The following LPIN2 variants were observed in gnomAD, a reference collection of about 807,000 sequenced individuals.
LPIN2 encodes the protein lipin 2, also known as phosphatidate phosphatase LPIN2.
In LPIN2, 55 loss-of-function variants were observed where a neutral mutation model predicts 111.4. That is an observed-to-expected ratio of 0.49 (90% CI 0.40 to 0.62). The LOEUF (loss-of-function observed/expected upper bound fraction) is 0.62, where lower values mean the gene tolerates loss of function less well. Among genes scored for constraint, LPIN2 ranks in the 20% least tolerant of loss-of-function variants. The pLI is 0.00. For missense variants in LPIN2, 992 were observed against 1,112.1 expected (o/e 0.89, Z 1.54); for synonymous variants, 425 against 414.0 (o/e 1.03, Z -0.32).
rs551209218 is a variant in LPIN2 at position 2,917,804 on chromosome 18, G to T, written c.*2489C>A. ...AGACTTAGACTGAACTGCAAAGAGG[G>T]AAAGGGCCATTTCACCAATGGAGTA... On this transcript the variant is annotated 3_prime_UTR_variant, in exon 20 of 20. Coordinates refer to ENST00000677752, the MANE Select transcript of LPIN2 (RefSeq NM_001375808.2). 1 of 152,220 alleles carries T rather than the reference G, an allele frequency of 6.6e-6. No individual in the cohort carries two copies. Among genetic ancestry groups the T allele is most frequent in the Admixed American group, 6.5e-5 (1 of 15,282 alleles). 9.4% of individuals were successfully genotyped at this position (152,220 alleles called of 1,614,324 possible).
At chr18:3,011,112 C>G (rs949523683) in intron 1 of LPIN2, among the ~76,000 whole-genome samples, 2 of 152,106 alleles carry the variant, frequency 1.3e-5, no homozygotes, top group Admixed American at 6.5e-5. Flanking sequence ...AACTCTGGGT[C>G]CAGTCCTTAA....
At chr18:2,999,270 C>G (rs987584972) in intron 1 of LPIN2, among the ~76,000 whole-genome samples, 46 of 152,124 alleles carry the variant, frequency 3.0e-4, no homozygotes, top group Non-Finnish European at 5.0e-4. Context: ...TTAAGGCTGG[C>G]CCTAATCCAG....
chr18:2,977,621 G>A (rs539993171), intron 1 of LPIN2, among the ~76,000 whole-genome samples: 5 of 152,192 alleles, frequency 3.3e-5, no homozygotes, highest in South Asian at 2.1e-4. Context: ...AAGAGCAAAC[G>A]TATGTCAGAG....
chr18:2,991,040 T>C (rs1015382698), intron 1 of LPIN2: 10 of 568,470 alleles, frequency 1.8e-5, no homozygotes, highest in Admixed American at 1.1e-4. Flanking sequence ...GCTTGTCCCA[T>C]GATGGTGCCC....
At position 2,970,179 on chromosome 18, in the gene LPIN2, T is replaced by C. The variant is rs552371207; in HGVS notation, c.-9-9330A>G. Among the ~76,000 whole-genome samples the C allele has an allele frequency of 3.0e-4, 46 of 152,240 alleles. No individual in the cohort carries two copies. In the South Asian group the frequency reaches 8.3e-3, roughly 27 times the overall value. ...GGATTTTCTGATTCAATATTTCTGT[T>C]TGGGAATTTAAACAGACACATAATG... On this transcript the variant is annotated intron_variant, in intron 1 of 19. Transcript: ENST00000677752.
Position 2,923,769 on chromosome 18 carries a change from ACC to A in LPIN2, c.2174+4_2174+5del. The A allele has an allele frequency of 6.2e-7, 1 of 1,612,452 alleles. No individual in the cohort carries two copies. Among genetic ancestry groups the A allele is most frequent in the South Asian group, 1.1e-5 (1 of 91,034 alleles). The stretch of plus-strand genomic sequence containing the variant: ...CAGAGCGAGTTAACGTGGGGAGGGT[ACC>A]TACTCATTGATGGAATGGTAGAGCT... On this transcript the variant is annotated splice_donor_5th_base_variant and intron_variant, in intron 16 of 19. Coordinates refer to ENST00000677752, the MANE Select transcript of LPIN2 (RefSeq NM_001375808.2).
intron 3 of LPIN2, 119 bp from the exon 4 acceptor site, chr18:2,951,475 TAAAGGC>T (rs1205260166): frequency 3.4e-6 from 3 of 886,210 alleles, no homozygotes; most frequent in Non-Finnish European, 5.2e-6. Flanking sequence ...ACATATTCCC[TAAAGGC>T]AAGAAAGTCC....
intron 1 of LPIN2, among the ~76,000 whole-genome samples, chr18:2,984,290 G>A (rs1164946033): frequency 6.6e-6 from 1 of 152,156 alleles, no homozygotes; most frequent in Non-Finnish European, 1.5e-5. Flanking sequence ...TGGACCTGCA[G>A]TACACCAAAG....
intron 1 of LPIN2, among the ~76,000 whole-genome samples, chr18:2,976,392 AC>A (rs139776187): frequency 0.013 from 1,945 of 152,340 alleles, 33 homozygotes; most frequent in African/African-American, 0.041. Flanking sequence ...ACTCTCAGTA[AC>A]TGGGGTTGAA....
intron 1 of LPIN2, among the ~76,000 whole-genome samples, chr18:3,012,629 G>C (rs922989325): frequency 2.0e-5 from 3 of 152,308 alleles, no homozygotes; most frequent in African/African-American, 7.2e-5. Context: ...TCACGTGCCC[G>C]GCGCCCCCTC....
intron 1 of LPIN2, among the ~76,000 whole-genome samples, chr18:2,987,081 C>G (rs1167131650): frequency 1.2e-4 from 18 of 152,108 alleles, no homozygotes; most frequent in Admixed American, 1.1e-3. Context: ...TGATGACACC[C>G]TTAGGTATAC....
chr18:2,948,473 G>T (rs1458356770), intron 4 of LPIN2: 1 of 152,232 alleles, frequency 6.6e-6, no homozygotes, highest in African/African-American at 2.4e-5. Context: ...GTACAATTTA[G>T]TAGGGAACTT....
intron 9 of LPIN2, 140 bp downstream of exon 9, chr18:2,931,116 G>T: frequency 9.9e-7 from 1 of 1,011,402 alleles, no homozygotes; most frequent in Non-Finnish European, 1.5e-6. Flanking sequence ...ATAAGGGTCT[G>T]ACATTACAGA....
chr18:2,941,997 A>G (rs537508525), intron 4 of LPIN2, among the ~76,000 whole-genome samples: 1 of 152,356 alleles, frequency 6.6e-6, no homozygotes, highest in East Asian at 1.9e-4. Flanking sequence ...AGAAAATTCA[A>G]TGTTCTAATA....
At position 2,941,084 on chromosome 18, in the gene LPIN2, T is replaced by C. The variant is rs964511744; in HGVS notation, c.591-372A>G. Among the ~76,000 whole-genome samples the C allele has an allele frequency of 2.0e-5, 3 of 152,210 alleles. 1 individual carries two copies. The highest frequency in any genetic ancestry group is 2.0e-4 in the Admixed American group (3 of 15,268). On this transcript the variant is annotated intron_variant, in intron 4 of 19. Coordinates refer to ENST00000677752, the MANE Select transcript of LPIN2 (RefSeq NM_001375808.2). Reference sequence around the variant, plus strand: ...AAGTAATCAAGGATCCAGAGAAATTTAGTAACTTGCTCAAAGTCAAAAAGA... The same window carrying C: ...AAGTAATCAAGGATCCAGAGAAATTCAGTAACTTGCTCAAAGTCAAAAAGA...
chr18:2,950,979 A>C (rs891664754), intron 4 of LPIN2, 76 bp downstream of exon 4: 37 of 1,523,342 alleles, frequency 2.4e-5, no homozygotes, highest in Non-Finnish European at 3.1e-5. Flanking sequence ...GTGTATCCAT[A>C]AAAAAACTGG....
At chr18:2,993,131 C>A (rs145040453) in intron 1 of LPIN2, among the ~76,000 whole-genome samples, 1 of 145,270 alleles carries the variant, frequency 6.9e-6, no homozygotes, top group Non-Finnish European at 1.5e-5. Flanking sequence ...GGAAACAGAG[C>A]GAGACCCTGA....
intron 1 of LPIN2, among the ~76,000 whole-genome samples, chr18:3,011,392 T>C (rs1238579033): frequency 6.7e-6 from 1 of 149,550 alleles, no homozygotes; most frequent in Admixed American, 6.8e-5. Context: ...GGCATGGAGA[T>C]ACCTTAAGTC....
At chr18:3,000,974 G>C (rs1028817605) in intron 1 of LPIN2, among the ~76,000 whole-genome samples, 2 of 136,500 alleles carry the variant, frequency 1.5e-5, no homozygotes, top group African/African-American at 5.3e-5. Flanking sequence ...GGAAAAAGAG[G>C]GGGGAGAGGG....
Sources: allele counts gnomAD v4.1 joint callset (sites outside exome capture counted in the v4.1 genomes callset), GRCh38; gene constraint gnomAD v4.1.1; transcripts MANE v1.5; gene names NCBI Gene and HGNC (gene_info 2026-07-23, HGNC 2026-07-21).